The following NID2 variants were observed in gnomAD, a reference collection of about 807,000 sequenced individuals.
The protein encoded by NID2 is nidogen-2.
In NID2, 83 loss-of-function variants were observed where a neutral mutation model predicts 145.4. The observed-to-expected ratio is 0.57, with a 90% CI of 0.48 to 0.69. NID2 has a LOEUF of 0.69. Ranked by LOEUF, NID2 falls within the 30% of genes least tolerant of loss-of-function variation. The probability of loss-of-function intolerance (pLI) is 0.00; values close to 1 mark genes in which losing one functional copy is unlikely to be tolerated. For synonymous variants in NID2, 739 were observed against 701.3 expected (o/e 1.05, Z -0.85); for missense variants, 1,807 against 1,765.7 (o/e 1.02, Z -0.42).
At chr14:52,008,619 A>C (rs1269581301) in intron 18 of NID2, 2 of 152,210 alleles carry the variant, frequency 1.3e-5, no homozygotes, top group Non-Finnish European at 2.9e-5. Flanking sequence ...GTCATTACTA[A>C]GTTACTATCA....
chr14:52,019,261 T>G lies in NID2; in HGVS notation c.2828A>C (p.Gln943Pro). 1 of 1,601,962 alleles carries G rather than the reference T, an allele frequency of 6.2e-7. No homozygotes were observed. Among genetic ancestry groups the G allele is most frequent in the Non-Finnish European group, 8.5e-7 (1 of 1,169,984 alleles). The change falls in exon 14 of 22, where the codon CAG (glutamine) becomes CCG (proline). Residue 943 changes from glutamine (Q) to proline (P), a missense_variant. Transcript: ENST00000216286. ...ATACTGGGCCTGGGCATGGCGCTGC[T>G]GTTGTTCACAGGGTGTCAGGCTTGA... is the stretch of plus-strand genomic sequence containing the variant. ...STSSLTPCEQ[Q>P]QRHAQAQYAY...
At chr14:52,059,258 T>C (rs747999752) in intron 3 of NID2, among the ~76,000 whole-genome samples, 1 of 152,182 alleles carries the variant, frequency 6.6e-6, no homozygotes, top group Non-Finnish European at 1.5e-5. Context: ...CTGGCTATAG[T>C]GGTCTCTTTC....
rs149428702 is a variant in NID2, at chr14:52,027,219, C to T, written c.2656G>A (p.Asp886Asn). The change falls in exon 12 of 22, where the codon GAT becomes AAT. Residue 886 changes from aspartate to asparagine, a missense_variant. Physicochemically the swap from Asp to Asn is conservative, Grantham distance 23. Coordinates refer to ENST00000216286, the MANE Select transcript of NID2 (RefSeq NM_007361.4). The stretch of plus-strand genomic sequence containing the variant: ...TACTCACCAGTGCACTGGTGCCCAT[C>T]GCCGGCATAACCAGGCAGGCAGGCA... The part of the protein sequence containing the change: ...SCACLPGYAG[D>N]GHQCTDVDEC... 2.5e-3 allele frequency: 3,903 copies of T among 1,560,030 alleles called. 11 individuals carry two copies. The highest frequency in any genetic ancestry group is 4.6e-3 in the Middle Eastern group (27 of 5,898).
chr14:52,019,842 C>A (rs1056101826), intron 13 of NID2, among the ~76,000 whole-genome samples: 1 of 152,134 alleles, frequency 6.6e-6, no homozygotes, highest in Non-Finnish European at 1.5e-5. Flanking sequence ...TGAGGTAGGA[C>A]GATGGGTGGG....
chr14:52,063,512 C>G (rs1472466421), intron 2 of NID2, among the ~76,000 whole-genome samples: 1 of 152,230 alleles, frequency 6.6e-6, no homozygotes, highest in Admixed American at 6.5e-5. Context: ...ACATACACCC[C>G]TCTAAGAGTT....
At chr14:52,048,243 C>T (rs910776496) in intron 5 of NID2, among the ~76,000 whole-genome samples, 5 of 152,284 alleles carry the variant, frequency 3.3e-5, no homozygotes, top group East Asian at 1.9e-4. Context: ...AAGAATACAA[C>T]GTGAAGATTC....
At chr14:52,026,104 A>T (rs960630713) in intron 12 of NID2, among the ~76,000 whole-genome samples, 1 of 152,198 alleles carries the variant, frequency 6.6e-6, no homozygotes, top group African/African-American at 2.4e-5. Flanking sequence ...CTGCTGTCAC[A>T]GTGACCTTTG....
At position 52,068,148 on chromosome 14, in the gene NID2, T is replaced by A; in HGVS notation, c.244A>T (p.Ile82Phe). The A allele has an allele frequency of 6.2e-7, 1 of 1,613,086 alleles. No homozygotes were observed. ...CTGGGGAAGTCCTGAGTGGAGATGA[T>A]GCCGTTGGTGCCCACCTGGGAGAGG... ...FSNLYVGTNG[I>F]ISTQDFPRET... The change falls in exon 2 of 22, where the codon ATC becomes TTC. Residue 82 changes from isoleucine (I) to phenylalanine (F), a missense_variant. Ile to Phe is a conservative substitution (Grantham distance 21). Coordinates refer to ENST00000216286, the MANE Select transcript of NID2 (RefSeq NM_007361.4).
chr14:52,025,528 T>A (rs1247476409), intron 12 of NID2, among the ~76,000 whole-genome samples: 1 of 152,174 alleles, frequency 6.6e-6, no homozygotes, highest in African/African-American at 2.4e-5. Flanking sequence ...TGAAACTGAG[T>A]CATTTCTAAA....
chr14:52,042,718 G>C, intron 6 of NID2, 64 bp downstream of exon 6: 1 of 1,532,796 alleles, frequency 6.5e-7, no homozygotes, highest in Non-Finnish European at 9.0e-7. Flanking sequence ...AGCTCACAGT[G>C]GTAGCTGGAA....
chr14:52,053,358 A>T (rs545841410), intron 5 of NID2, among the ~76,000 whole-genome samples: 80 of 152,302 alleles, frequency 5.3e-4, no homozygotes, highest in African/African-American at 1.8e-3. Flanking sequence ...TTTTAAAAAA[A>T]CATTATTAAT....
intron 14 of NID2, among the ~76,000 whole-genome samples, chr14:52,018,347 C>T (rs1047040543): frequency 6.6e-6 from 1 of 152,166 alleles, no homozygotes; most frequent in Non-Finnish European, 1.5e-5. Context: ...CAAGTTTTAC[C>T]TATCCCTGAA....
intron 5 of NID2, among the ~76,000 whole-genome samples, chr14:52,052,499 G>T (rs555797049): frequency 1.3e-5 from 2 of 152,228 alleles, no homozygotes; most frequent in Non-Finnish European, 2.9e-5. Context: ...CACCCAGCAA[G>T]CTTGGCAGCC....
At position 52,053,596 on chromosome 14, in the gene NID2, A is replaced by G. The variant is rs755436853; in HGVS notation, c.1412T>C (p.Ile471Thr). ...GTYEVGLEDN[I>T]GSNTEVFTYN... ...GCACTCACCCTCGGTGTTGGAACCT[A>G]TGTTGTCTTCCAGTCCCACCTCATA... The change falls in exon 5 of 22, where the codon ATA (isoleucine) becomes ACA (threonine). Residue 471 changes from isoleucine (I) to threonine (T), a missense_variant. By Grantham distance (89) the Ile-to-Thr change is moderately conservative. Transcript: ENST00000216286. 2 of 1,613,728 alleles carry G rather than the reference A, an allele frequency of 1.2e-6. No homozygotes were observed. Among genetic ancestry groups the G allele is most frequent in the Admixed American group, 1.7e-5 (1 of 59,998 alleles).
At chr14:52,059,497 G>C (rs184744072) in intron 3 of NID2, among the ~76,000 whole-genome samples, 1 of 152,158 alleles carries the variant, frequency 6.6e-6, no homozygotes, top group African/African-American at 2.4e-5. Context: ...GGCACTATCT[G>C]TACTGGCAAA....
chr14:52,044,876 G>A (rs893944514), intron 5 of NID2, among the ~76,000 whole-genome samples: 2 of 152,038 alleles, frequency 1.3e-5, no homozygotes, highest in African/African-American at 4.8e-5. Flanking sequence ...TTCCCACCTA[G>A]GCCTCCCAAA....
At chr14:52,068,266 T>G in intron 1 of NID2, 103 bp from the exon 2 acceptor site, 1 of 1,173,394 alleles carries the variant, frequency 8.5e-7, no homozygotes. Context: ...AAAGCCTCTC[T>G]CTCCTTCCCC....
chr14:52,014,257 C>T, intron 16 of NID2, 30 bp downstream of exon 16: 1 of 1,614,144 alleles, frequency 6.2e-7, no homozygotes, highest in Non-Finnish European at 8.5e-7. Context: ...GCCACGCAGC[C>T]CTGCCCCCTA....
rs758129049 is a variant in NID2, at chr14:52,038,824, T to C, written c.2180A>G (p.Asp727Gly). 1 of 1,613,892 alleles carries C rather than the reference T, an allele frequency of 6.2e-7. No homozygotes were observed. Among genetic ancestry groups the C allele is most frequent in the Non-Finnish European group, 8.5e-7 (1 of 1,179,938 alleles). The change falls in exon 9 of 22, where the codon GAC (aspartate) becomes GGC (glycine). Residue 727 changes from aspartate to glycine, a missense_variant. Transcript: ENST00000216286. ...GTCATTATACAAGGCAAAGACCCGGTCCACGTTCAGCTGCTGGGTGGTGGG... is the reference window on the plus strand; with the variant it reads ...GTCATTATACAAGGCAAAGACCCGGCCCACGTTCAGCTGCTGGGTGGTGGG... ...SFPTTQQLNV[D>G]RVFALYNDEE...
Sources: allele counts gnomAD v4.1 joint callset (sites outside exome capture counted in the v4.1 genomes callset), GRCh38; gene constraint gnomAD v4.1.1; transcripts MANE v1.5; gene names NCBI Gene and HGNC (gene_info 2026-07-23, HGNC 2026-07-21).